The following RAB33B variants were observed in gnomAD, a reference collection of about 807,000 sequenced individuals.
The protein encoded by RAB33B is ras-related protein Rab-33B.
A neutral mutation model predicts 15.0 loss-of-function variants in RAB33B; 6 were observed. The ratio of observed to expected loss-of-function variants is 0.40; its 90% CI spans 0.22 to 0.79. RAB33B has a LOEUF of 0.79. Among genes scored for constraint, RAB33B ranks in the 30% least tolerant of loss-of-function variants. RAB33B has a pLI of 0.37. For synonymous variants in RAB33B, 117 were observed against 108.3 expected (o/e 1.08, Z -0.50); for missense variants, 257 against 296.4 (o/e 0.87, Z 0.98).
rs190665340 is a variant in RAB33B, at chr4:139,476,229, C to T, written c.*3103C>T. 1.8e-4 allele frequency: 28 copies of T among 152,200 alleles called. No homozygotes were observed. The highest frequency in any genetic ancestry group is 6.3e-4 in the African/African-American group (26 of 41,540). 9.4% of individuals were successfully genotyped at this position (152,200 alleles called of 1,614,324 possible). ...CAAGAGGAGTTGATGTGTATTTAGA[C>T]GTAAAAGCATTTAACAGAATGAATA... On this transcript the variant is annotated 3_prime_UTR_variant, in exon 2 of 2. Transcript: ENST00000305626.
intron 1 of RAB33B, among the ~76,000 whole-genome samples, chr4:139,463,820 C>T (rs1015641702): frequency 6.6e-6 from 1 of 152,192 alleles, no homozygotes; most frequent in Non-Finnish European, 1.5e-5. Context: ...TCCTTGCCTT[C>T]TCATCTCAGT....
At chr4:139,458,417 A>C (rs939182095) in intron 1 of RAB33B, among the ~76,000 whole-genome samples, 1 of 152,188 alleles carries the variant, frequency 6.6e-6, no homozygotes. Flanking sequence ...TATTAAGCAT[A>C]GTACCCAATA....
chr4:139,452,219 G>C (rs1407667078), upstream of RAB33B: 19 of 152,220 alleles, frequency 1.2e-4, no homozygotes, highest in Admixed American at 1.2e-3. Flanking sequence ...CTTCCAGTCA[G>C]TAGTCAAGAG....
intron 1 of RAB33B, among the ~76,000 whole-genome samples, chr4:139,462,422 CTT>C (rs1750191530): frequency 6.6e-6 from 1 of 152,192 alleles, no homozygotes; most frequent in Non-Finnish European, 1.5e-5. Context: ...ATTTAATACT[CTT>C]TTTGCTTGAC....
intron 1 of RAB33B, among the ~76,000 whole-genome samples, chr4:139,454,798 G>C (rs1251740023): frequency 6.6e-6 from 1 of 152,124 alleles, no homozygotes; most frequent in Non-Finnish European, 1.5e-5. Context: ...CTGGGAGTCA[G>C]TCAAATATGA....
In RAB33B at chr4:139,454,266, G is replaced by A; in HGVS notation, c.71G>A (p.Gly24Glu). Reference protein sequence around the residue: ...SSSGAVSGASGFLPPARSRIF... With the variant: ...SSSGAVSGASEFLPPARSRIF... ...AGCGGGGCAGTGTCAGGGGCCTCAG[G>A]GTTTTTGCCTCCTGCCCGCTCCCGC... Residue 24 changes from glycine to glutamate, a missense_variant, in exon 1 of 2, where the codon GGG (glycine) becomes GAG (glutamate). Transcript: ENST00000305626. The A allele has an allele frequency of 6.2e-7, 1 of 1,614,194 alleles. No homozygotes were observed. The highest frequency in any genetic ancestry group is 8.5e-7 in the Non-Finnish European group (1 of 1,180,028).
chr4:139,463,577 A>C (rs1206064605), intron 1 of RAB33B, among the ~76,000 whole-genome samples: 5 of 152,250 alleles, frequency 3.3e-5, no homozygotes, highest in East Asian at 3.8e-4. Flanking sequence ...AACATTTACC[A>C]GATGAAAGCG....
chr4:139,454,971 GTTTC>G (rs1462610772), intron 1 of RAB33B, among the ~76,000 whole-genome samples: 12 of 152,316 alleles, frequency 7.9e-5, no homozygotes, highest in African/African-American at 2.9e-4. Flanking sequence ...TGCTGTAGTA[GTTTC>G]TTTATGATAC....
intron 1 of RAB33B, among the ~76,000 whole-genome samples, chr4:139,464,669 G>A (rs536718037): frequency 6.6e-6 from 1 of 152,220 alleles, no homozygotes; most frequent in Non-Finnish European, 1.5e-5. Flanking sequence ...ATAGTTTGCT[G>A]AGAATGATGG....
chr4:139,452,057 C>A (rs1333744042), upstream of RAB33B: 2 of 152,188 alleles, frequency 1.3e-5, no homozygotes, highest in South Asian at 2.1e-4. Flanking sequence ...ATACAAAACT[C>A]CTCATAACAA....
chr4:139,453,987 C>T, upstream of RAB33B: 1 of 461,562 alleles, frequency 2.2e-6, no homozygotes, highest in Non-Finnish European at 3.6e-6. Flanking sequence ...GGGCAGGCGG[C>T]TCCGTGCGGC....
At position 139,473,781 on chromosome 4, in the gene RAB33B, G is replaced by A. The variant is rs757931104; in HGVS notation, c.*655G>A. 1.1e-4 allele frequency: 16 copies of A among 151,922 alleles called. No individual in the cohort carries two copies. Among genetic ancestry groups the A allele is most frequent in the Non-Finnish European group, 2.1e-4 (14 of 68,008 alleles). 9.4% of individuals were successfully genotyped at this position (151,922 alleles called of 1,614,324 possible). On this transcript the variant is annotated 3_prime_UTR_variant, in exon 2 of 2. Coordinates refer to ENST00000305626, the MANE Select transcript of RAB33B (RefSeq NM_031296.3). ...ATAAGAAGGCATAGAATGTTTTCTGGTTCCCAGTCCATAAAGAATGACTTT... is the reference window on the plus strand; with the variant it reads ...ATAAGAAGGCATAGAATGTTTTCTGATTCCCAGTCCATAAAGAATGACTTT...
At chr4:139,444,402 G>T in the RAB33B span, among the ~76,000 whole-genome samples, 1 of 152,192 alleles carries the variant, frequency 6.6e-6, no homozygotes, top group East Asian at 1.9e-4. Context: ...AGCTGGGAGG[G>T]TCCAGGAAAT....
intron 1 of RAB33B, among the ~76,000 whole-genome samples, chr4:139,469,500 G>A (rs949879498): frequency 6.6e-6 from 1 of 152,158 alleles, no homozygotes; most frequent in African/African-American, 2.4e-5. Context: ...GGTCCCTGTT[G>A]CCTTGTTTAG....
At position 139,472,990 on chromosome 4, in the gene RAB33B, A is replaced by G. The variant is rs754430101; in HGVS notation, c.554A>G (p.Asn185Ser). 5 of 1,614,038 alleles carry G rather than the reference A, an allele frequency of 3.1e-6. No homozygotes were observed. The highest frequency in any genetic ancestry group is 1.1e-5 in the South Asian group (1 of 91,086). Residue 185 changes from asparagine (N) to serine (S), a missense_variant, in exon 2 of 2, where the codon AAT becomes AGT. Asn to Ser is a conservative substitution (Grantham distance 46). Coordinates refer to ENST00000305626, the MANE Select transcript of RAB33B (RefSeq NM_031296.3). ...FETSAKNPND[N>S]DHVEAIFMTL... ...ACGTCTGCTAAAAACCCCAATGATA[A>G]TGACCATGTGGAAGCTATATTTATG... is the stretch of plus-strand genomic sequence containing the variant.
intron 1 of RAB33B, among the ~76,000 whole-genome samples, chr4:139,466,099 G>T (rs1396158584): frequency 1.3e-5 from 2 of 152,044 alleles, no homozygotes; most frequent in Admixed American, 1.3e-4. Flanking sequence ...CTCACCTCAG[G>T]CTCCCTAAGT....
Position 139,474,912 on chromosome 4 carries a change from A to G in RAB33B, c.*1786A>G, listed in dbSNP as rs2111090371. The G allele has an allele frequency of 6.5e-6, 1 of 152,704 alleles. No homozygotes were observed. The highest frequency in any genetic ancestry group is 6.5e-5 in the Admixed American group (1 of 15,302). The allele number at this position is 152,704 out of a possible 1,614,324, so 9.5% of individuals were successfully genotyped here. The stretch of plus-strand genomic sequence containing the variant: ...CTACAGTATTTTCAGAATATGGGAA[A>G]TCAATTAAAAATGTAATCTAATCTA... On this transcript the variant is annotated 3_prime_UTR_variant, in exon 2 of 2. Coordinates refer to ENST00000305626, the MANE Select transcript of RAB33B (RefSeq NM_031296.3).
chr4:139,464,386 G>GTTTTTTTTTTTTT lies in RAB33B; in HGVS notation c.250-8286_250-8274dup, dbSNP rs372330119. On this transcript the variant is annotated intron_variant, in intron 1 of 1. Coordinates refer to ENST00000305626, the MANE Select transcript of RAB33B (RefSeq NM_031296.3). Reference sequence around the variant, plus strand: ...CGGGATTGATGGGAAGAGGAATACTGTTTTTTTTTTTTTTTTTTTTTTTTT... The same window carrying GTTTTTTTTTTTTT: ...CGGGATTGATGGGAAGAGGAATACTGTTTTTTTTTTTTTTTTTTTTTTTTTTTTTTTTTTTTTT... 5.9e-5 allele frequency among the ~76,000 whole-genome samples: 6 copies of GTTTTTTTTTTTTT among 101,770 alleles called. 1 individual carries two copies. The highest frequency in any genetic ancestry group is 7.0e-5 in the African/African-American group (2 of 28,618). The allele number at this position is 101,770 out of a possible 152,430, so 66.8% of individuals were successfully genotyped here. A position where few individuals can be genotyped will look rare whatever the true frequency, so the allele number is the denominator to read the frequency against.
chr4:139,471,927 A>C (rs567424530), intron 1 of RAB33B, among the ~76,000 whole-genome samples: 1 of 152,066 alleles, frequency 6.6e-6, no homozygotes, highest in African/African-American at 2.4e-5. Flanking sequence ...CATTTTTTGC[A>C]TGTTGTCCAG....
Sources: allele counts gnomAD v4.1 joint callset (sites outside exome capture counted in the v4.1 genomes callset), GRCh38; gene constraint gnomAD v4.1.1; transcripts MANE v1.5; gene names NCBI Gene and HGNC (gene_info 2026-07-23, HGNC 2026-07-21).